Variants in TBC1D13 observed in about 807,000 individuals in gnomAD.
The protein encoded by TBC1D13 is TBC1 domain family member 13, also known as epididymis secretory sperm binding protein.
Under a neutral mutation model 53.6 loss-of-function variants are expected in TBC1D13, and 40 were observed. The observed-to-expected ratio is 0.75, with a 90% CI of 0.58 to 0.97. TBC1D13 has a LOEUF of 0.97. TBC1D13 is among the 50% of genes least tolerant of loss of function. The probability of loss-of-function intolerance (pLI) is 0.00; values close to 1 mark genes in which losing one functional copy is unlikely to be tolerated. For missense variants in TBC1D13, 377 were observed against 499.4 expected, an observed-to-expected ratio of 0.75 and a Z score of 2.34; for synonymous variants, 182 against 197.7, an observed-to-expected ratio of 0.92 and a Z score of 0.67.
rs1564426361 is a variant in TBC1D13, at chr9:128,803,361, G to GCCAAGC, written c.656_661dup (p.Lys220_Leu221insProLys). 7 of 1,614,066 alleles carry GCCAAGC rather than the reference G, an allele frequency of 4.3e-6. No individual in the cohort carries two copies. The highest frequency in any genetic ancestry group is 5.9e-6 in the Non-Finnish European group (7 of 1,180,046). Reference sequence around the variant, plus strand: ...GGTGGAGCGGATCCTGTTCATCTACGCCAAGCTCAACCCTGGCATCGCTTA... The same window carrying GCCAAGC: ...GGTGGAGCGGATCCTGTTCATCTACGCCAAGCCCAAGCTCAACCCTGGCATCGCTTA... On this transcript the variant is annotated inframe_insertion, in exon 8 of 12. Transcript: ENST00000372648.
At chr9:128,796,942 A>T (rs1564424351) in intron 6 of TBC1D13, 113 bp from the exon 7 acceptor site, 9 of 1,280,354 alleles carry the variant, frequency 7.0e-6, no homozygotes, top group Non-Finnish European at 8.8e-6. Flanking sequence ...TCTCAAAAAC[A>T]AAAACAAAAA....
intron 2 of TBC1D13, among the ~76,000 whole-genome samples, chr9:128,788,886 A>G (rs1333885807): frequency 1.3e-5 from 2 of 152,186 alleles, no homozygotes. Flanking sequence ...GCCTTGGGAC[A>G]CTGACTTTAA....
chr9:128,803,031 C>A (rs1572913), intron 7 of TBC1D13, among the ~76,000 whole-genome samples: 1 of 152,014 alleles, frequency 6.6e-6, no homozygotes, highest in East Asian at 1.9e-4. Context: ...TATTGTGGCC[C>A]GCCCATGTTG....
chr9:128,793,965 A>C (rs543428423), intron 6 of TBC1D13, among the ~76,000 whole-genome samples: 2 of 152,352 alleles, frequency 1.3e-5, no homozygotes, highest in East Asian at 3.9e-4. Context: ...GGAGACATAT[A>C]CTAAACCTGG....
At chr9:128,795,255 G>A (rs1829607062) in intron 6 of TBC1D13, among the ~76,000 whole-genome samples, 2 of 143,966 alleles carry the variant, frequency 1.4e-5, no homozygotes, top group African/African-American at 5.2e-5. Flanking sequence ...GTCTTGCTCT[G>A]TTGCCCAGGC....
At chr9:128,789,316 CAAAAA>C (rs10648259) in intron 2 of TBC1D13, among the ~76,000 whole-genome samples, 1 of 83,398 alleles carries the variant, frequency 1.2e-5, no homozygotes, top group South Asian at 5.1e-4. Context: ...AGCTCCATCT[CAAAAA>C]AAAAAAAAAA....
chr9:128,807,524 C>T (rs568017639), intron 11 of TBC1D13, among the ~76,000 whole-genome samples: 3 of 152,282 alleles, frequency 2.0e-5, no homozygotes, highest in East Asian at 1.9e-4. Context: ...CGAGGGAGCT[C>T]GGGTTCAGTG....
At position 128,795,856 on chromosome 9, in the gene TBC1D13, A is replaced by G. The variant is rs148283436; in HGVS notation, c.384-1199A>G. Among the ~76,000 whole-genome samples, 931 of 152,050 alleles carry G rather than the reference A, an allele frequency of 6.1e-3. 8 individuals are homozygous for G. Among genetic ancestry groups the G allele is most frequent in the African/African-American group, 0.021 (856 of 41,474 alleles). ...GATCCCTCCTGCCTTAGCCTCCTGAAGTGCTGGGATTACAGTGGTGAGCCA... is the reference window on the plus strand; with the variant it reads ...GATCCCTCCTGCCTTAGCCTCCTGAGGTGCTGGGATTACAGTGGTGAGCCA... On this transcript the variant is annotated intron_variant, in intron 6 of 11. Coordinates refer to ENST00000372648, the MANE Select transcript of TBC1D13 (RefSeq NM_018201.5).
intron 6 of TBC1D13, among the ~76,000 whole-genome samples, chr9:128,793,220 G>A (rs1829567014): frequency 6.6e-6 from 1 of 152,258 alleles, no homozygotes; most frequent in South Asian, 2.1e-4. Flanking sequence ...GCTGGACCTT[G>A]GACTTGATTC....
In TBC1D13 at chr9:128,808,233, G is replaced by T; in HGVS notation, c.*354G>T. On this transcript the variant is annotated 3_prime_UTR_variant, in exon 12 of 12. Transcript: ENST00000372648. ...AGTTCCTGCTTCTGGTCTTCTCCTG[G>T]GCTCCACTCAGGGGAGGTGCTTGGC... 3.1e-6 allele frequency: 1 copy of T among 318,820 alleles called. No homozygotes were observed. The allele number at this position is 318,820 out of a possible 1,614,324, so 19.7% of individuals were successfully genotyped here.
At chr9:128,787,688 C>T (rs1203646897) in intron 1 of TBC1D13, among the ~76,000 whole-genome samples, 2 of 143,708 alleles carry the variant, frequency 1.4e-5, no homozygotes, top group African/African-American at 5.1e-5. Flanking sequence ...GATCCCCCTG[C>T]TCCCGTACTC....
intron 5 of TBC1D13, 64 bp downstream of exon 5, chr9:128,791,757 A>T: frequency 6.9e-7 from 1 of 1,450,588 alleles, no homozygotes; most frequent in Non-Finnish European, 9.7e-7. Context: ...GCCTTGGAGC[A>T]GGCAAGGGCC....
intron 2 of TBC1D13, among the ~76,000 whole-genome samples, chr9:128,789,332 A>AAAT: frequency 6.6e-6 from 1 of 151,610 alleles, no homozygotes; most frequent in East Asian, 1.9e-4. Context: ...AAAAAAAAAA[A>AAAT]AAAAGAACTT....
intron 7 of TBC1D13, among the ~76,000 whole-genome samples, chr9:128,798,354 G>A (rs1031323018): frequency 5.3e-5 from 8 of 152,204 alleles, no homozygotes; most frequent in African/African-American, 1.4e-4. Context: ...GGGAGGCCAC[G>A]GGGTGGCTAG....
chr9:128,796,632 C>G (rs1336482456), intron 6 of TBC1D13, among the ~76,000 whole-genome samples: 1 of 151,924 alleles, frequency 6.6e-6, no homozygotes, highest in Admixed American at 6.6e-5. Context: ...TGATTCAAAA[C>G]GTTGTAATTA....
rs576990775 is a variant in TBC1D13, at chr9:128,788,185, T to C, written c.24-149T>C. The stretch of plus-strand genomic sequence containing the variant: ...TGTTGTTCTCCAAAGCTGTCTTTGG[T>C]GAGGACCTTGACTAAGCTGTGTGAT... On this transcript the variant is annotated intron_variant, in intron 1 of 11. Coordinates refer to ENST00000372648, the MANE Select transcript of TBC1D13 (RefSeq NM_018201.5). The C allele has an allele frequency of 4.4e-5, 28 of 629,562 alleles. No homozygotes were observed. The East Asian group carries it at 6.7e-4, about 15-fold the overall frequency. 39.0% of individuals were successfully genotyped at this position (629,562 alleles called of 1,614,324 possible).
chr9:128,800,008 G>A (rs1029773545), intron 7 of TBC1D13, among the ~76,000 whole-genome samples: 2 of 152,234 alleles, frequency 1.3e-5, no homozygotes, highest in African/African-American at 2.4e-5. Context: ...GCGACAGAGC[G>A]AGACTCCGTC....
At chr9:128,797,431 T>G (rs1829652276) in intron 7 of TBC1D13, among the ~76,000 whole-genome samples, 1 of 152,150 alleles carries the variant, frequency 6.6e-6, no homozygotes, top group Admixed American at 6.6e-5. Context: ...GGAAGGGCCC[T>G]GCATCACAGT....
chr9:128,807,130 A>G (rs1829850467), intron 11 of TBC1D13, among the ~76,000 whole-genome samples: 1 of 145,332 alleles, frequency 6.9e-6, no homozygotes. Context: ...TCTGTTGTCC[A>G]GGCTGGAGTG....
Sources: gnomAD v4.1 joint callset for allele counts (sites outside exome capture counted in the v4.1 genomes callset) on GRCh38, gnomAD v4.1.1 for gene constraint, MANE v1.5 for transcripts, NCBI Gene and HGNC (gene_info 2026-07-23, HGNC 2026-07-21) for gene names.